PCDHA3: variants seen among roughly 807,000 people sequenced by gnomAD.
PCDHA3 encodes the protein protocadherin alpha-3.
PCDHA3 carries 41 observed loss-of-function variants against 62.2 expected under a neutral mutation model. The ratio of observed to expected loss-of-function variants is 0.66; its 90% confidence interval spans 0.51 to 0.86. The LOEUF (loss-of-function observed/expected upper bound fraction) is 0.86. PCDHA3 is among the 40% of genes least tolerant of loss of function. PCDHA3 has a pLI of 0.00. For missense variants in PCDHA3, 1,304 were observed against 1,241.2 expected (o/e 1.05, Z -0.76); for synonymous variants, 640 against 555.4 (o/e 1.15, Z -2.14).
chr5:140,976,395 T>G (rs973484895), intron 1 of PCDHA3, among the ~76,000 whole-genome samples: 1 of 151,734 alleles, frequency 6.6e-6, no homozygotes, highest in Middle Eastern at 3.4e-3. Flanking sequence ...TACTAAAAAT[T>G]CAAAAATTAG....
intron 1 of PCDHA3, chr5:140,862,842 G>A (rs1554157108): frequency 1.7e-6 from 1 of 572,982 alleles, no homozygotes. Flanking sequence ...CGGGCATGCC[G>A]CCTCTGAGCA....
intron 1 of PCDHA3, among the ~76,000 whole-genome samples, chr5:140,970,367 TA>T (rs1554232416): frequency 6.6e-6 from 1 of 152,216 alleles, no homozygotes; most frequent in Non-Finnish European, 1.5e-5. Flanking sequence ...TGATTTGCTA[TA>T]GCTTCAAAAG....
intron 1 of PCDHA3, among the ~76,000 whole-genome samples, chr5:140,933,701 A>G (rs1204346571): frequency 6.6e-6 from 1 of 151,814 alleles, no homozygotes; most frequent in East Asian, 1.9e-4. Flanking sequence ...CCTCGGACAC[A>G]TTTACTGAGA....
chr5:140,829,994 C>A, intron 1 of PCDHA3: 1 of 1,613,984 alleles, frequency 6.2e-7, no homozygotes, highest in South Asian at 1.1e-5. Context: ...CAGCACCACT[C>A]GTGTCCTGGA....
intron 1 of PCDHA3, among the ~76,000 whole-genome samples, chr5:140,916,395 G>A (rs2077556484): frequency 6.6e-6 from 1 of 152,180 alleles, no homozygotes; most frequent in African/African-American, 2.4e-5. Flanking sequence ...GGAATGTGCT[G>A]GATCACACCT....
chr5:140,884,441 G>A, intron 1 of PCDHA3: 2 of 1,613,812 alleles, frequency 1.2e-6, no homozygotes, highest in Non-Finnish European at 1.7e-6. Flanking sequence ...GCGGTGCTCG[G>A]CACCGCCCAC....
intron 1 of PCDHA3, among the ~76,000 whole-genome samples, chr5:140,915,080 G>T (rs1279074888): frequency 6.6e-6 from 1 of 151,664 alleles, no homozygotes; most frequent in Non-Finnish European, 1.5e-5. Context: ...TGAGTAGCTG[G>T]GACTATGGGC....
At chr5:140,836,282 G>A in intron 1 of PCDHA3, 2 of 1,613,808 alleles carry the variant, frequency 1.2e-6, no homozygotes, top group Non-Finnish European at 1.7e-6. Context: ...AGATCAGCAC[G>A]ACACGAGCCC....
chr5:140,820,306 A>G (rs1157181191), intron 1 of PCDHA3, among the ~76,000 whole-genome samples: 3 of 152,010 alleles, frequency 2.0e-5, no homozygotes, highest in Non-Finnish European at 2.9e-5. Flanking sequence ...TTCTATGACA[A>G]TATCTTGTTT....
At chr5:140,961,652 G>A (rs2095627629) in intron 1 of PCDHA3, among the ~76,000 whole-genome samples, 1 of 152,212 alleles carries the variant, frequency 6.6e-6, no homozygotes, top group Non-Finnish European at 1.5e-5. Context: ...TATGTGGTTA[G>A]TTTGAAGTTA....
At chr5:140,823,295 T>G in intron 1 of PCDHA3, 3 of 1,612,260 alleles carry the variant, frequency 1.9e-6, no homozygotes, top group Non-Finnish European at 2.5e-6. Flanking sequence ...TCGAGTTACG[T>G]TTCGGTGCAC....
chr5:140,996,701 A>G (rs782320896), intron 3 of PCDHA3, among the ~76,000 whole-genome samples: 2 of 152,130 alleles, frequency 1.3e-5, no homozygotes, highest in Non-Finnish European at 2.9e-5. Flanking sequence ...CTGAACCTCT[A>G]TCTCTTTGAT....
chr5:140,993,463 CACACACACACACACA>C (rs2097564014), intron 3 of PCDHA3, among the ~76,000 whole-genome samples: 3 of 7,580 alleles, frequency 4.0e-4, no homozygotes, highest in African/African-American at 2.0e-3. Context: ...CTTTCTTTCT[CACACACACACACACA>C]CACACACACA....
At chr5:140,838,077 AG>A (rs1404623081) in intron 1 of PCDHA3, among the ~76,000 whole-genome samples, 4 of 80,664 alleles carry the variant, frequency 5.0e-5, no homozygotes, top group African/African-American at 1.8e-4. Context: ...ATATATATAT[AG>A]TGTGTGTGTG....
chr5:140,845,796 C>A (rs1780039234), intron 1 of PCDHA3, among the ~76,000 whole-genome samples: 1 of 149,428 alleles, frequency 6.7e-6, no homozygotes, highest in African/African-American at 2.5e-5. Flanking sequence ...TAAACTCTGG[C>A]AAGTGATAGG....
chr5:140,966,820 G>A, intron 1 of PCDHA3: 1 of 1,557,392 alleles, frequency 6.4e-7, no homozygotes, highest in Non-Finnish European at 8.7e-7. Context: ...GGCTCCGGCG[G>A]CCCATGCCCT....
At chr5:140,959,499 C>T (rs2095491321) in intron 1 of PCDHA3, among the ~76,000 whole-genome samples, 1 of 151,982 alleles carries the variant, frequency 6.6e-6, no homozygotes. Flanking sequence ...ATGGATCAAA[C>T]TAAAAAATTT....
chr5:141,000,158 A>G (rs1313496168), intron 3 of PCDHA3, among the ~76,000 whole-genome samples: 1 of 151,968 alleles, frequency 6.6e-6, no homozygotes, highest in Non-Finnish European at 1.5e-5. Context: ...AACAAAAACT[A>G]TTTGATTATT....
rs181578390 is a variant in PCDHA3, at chr5:140,923,666, G to A, written c.2395-55283G>A. Among the ~76,000 whole-genome samples, 434 of 152,230 alleles carry A rather than the reference G, an allele frequency of 2.9e-3. 2 individuals are homozygous for A. Among genetic ancestry groups the A allele is most frequent in the Middle Eastern group, 0.014 (4 of 294 alleles). On this transcript the variant is annotated intron_variant, in intron 1 of 3. Coordinates refer to ENST00000522353, the MANE Select transcript of PCDHA3 (RefSeq NM_018906.3). ...TAGCCTCCCTTATCTTTGGGATATC[G>A]TTCTCTCTTAAATGTTGCTTTCTCA...
Sources: allele counts gnomAD v4.1 joint callset (sites outside exome capture counted in the v4.1 genomes callset), GRCh38; gene constraint gnomAD v4.1.1; transcripts MANE v1.5; gene names NCBI Gene and HGNC (gene_info 2026-07-23, HGNC 2026-07-21).